Variants in CATSPERE observed in about 807,000 individuals in gnomAD.
The protein encoded by CATSPERE is cation channel sperm-associated auxiliary subunit epsilon.
Under a neutral mutation model 114.1 loss-of-function variants are expected in CATSPERE, and 93 were observed. The observed-to-expected ratio is 0.81, with a 90% CI of 0.69 to 0.97. The LOEUF (loss-of-function observed/expected upper bound fraction) is 0.97. Ranked by LOEUF, CATSPERE falls within the 50% of genes least tolerant of loss-of-function variation. The pLI, the probability that CATSPERE is intolerant of heterozygous loss-of-function variation, is 0.00. For synonymous variants in CATSPERE, 341 were observed against 384.1 expected (o/e 0.89, Z 1.31); for missense variants, 1,058 against 1,131.6 (o/e 0.93, Z 0.93).
chr1:244,487,799 G>A (rs1341487386), intron 5 of CATSPERE, among the ~76,000 whole-genome samples: 3 of 152,040 alleles, frequency 2.0e-5, no homozygotes, highest in East Asian at 3.9e-4. Context: ...AGCAGGAGGC[G>A]GGACTGTACG....
intron 8 of CATSPERE, among the ~76,000 whole-genome samples, chr1:244,531,513 T>G (rs1203450463): frequency 1.4e-5 from 2 of 146,736 alleles, no homozygotes; most frequent in East Asian, 1.9e-4. Flanking sequence ...CTATACCCAG[T>G]TTTTAAAATT....
At chr1:244,612,004 CAAT>C (rs1222686927) in intron 19 of CATSPERE, among the ~76,000 whole-genome samples, 4 of 152,302 alleles carry the variant, frequency 2.6e-5, no homozygotes, top group East Asian at 3.9e-4. Flanking sequence ...ATTTGCACCT[CAAT>C]GATACTGATA....
At chr1:244,614,052 C>A (rs938055561) in intron 19 of CATSPERE, among the ~76,000 whole-genome samples, 5 of 152,200 alleles carry the variant, frequency 3.3e-5, no homozygotes, top group Non-Finnish European at 7.3e-5. Context: ...GAGTCCCCAC[C>A]AGGAAGATGG....
chr1:244,458,535 AAAAC>A (rs949574562), upstream of CATSPERE, among the ~76,000 whole-genome samples: 1 of 152,218 alleles, frequency 6.6e-6, no homozygotes, highest in Non-Finnish European at 1.5e-5. Context: ...GGAGGAAAAA[AAAAC>A]AAACTTCTAG....
intron 10 of CATSPERE, among the ~76,000 whole-genome samples, chr1:244,571,045 T>A (rs530858996): frequency 6.6e-6 from 1 of 152,310 alleles, no homozygotes; most frequent in South Asian, 2.1e-4. Context: ...AAACAATGTA[T>A]TGTTTTGTTT....
intron 8 of CATSPERE, among the ~76,000 whole-genome samples, chr1:244,526,417 A>C (rs1678608182): frequency 6.6e-6 from 1 of 152,020 alleles, no homozygotes; most frequent in African/African-American, 2.4e-5. Context: ...AAAAAGAAAA[A>C]AAAAAAAGGA....
At chr1:244,484,490 G>C (rs1670698815) in intron 5 of CATSPERE, among the ~76,000 whole-genome samples, 1 of 152,204 alleles carries the variant, frequency 6.6e-6, no homozygotes, top group African/African-American at 2.4e-5. Context: ...GTAGGCTTCA[G>C]ATGAGCGGTC....
Position 244,621,104 on chromosome 1 carries a change from A to ATTAT in CATSPERE, c.2648+3418_2648+3419insTTAT, listed in dbSNP as rs869108209. On this transcript the variant is annotated intron_variant, in intron 20 of 21. Transcript: ENST00000366534. The stretch of plus-strand genomic sequence containing the variant: ...ATATAAATATATATAAAATATATAT[A>ATTAT]AATATATATATAATATATATATAAA... Among the ~76,000 whole-genome samples, 34 of 20,744 alleles carry ATTAT rather than the reference A, an allele frequency of 1.6e-3. 1 individual carries two copies. Among genetic ancestry groups the ATTAT allele is most frequent in the Non-Finnish European group, 3.5e-3 (31 of 8,876 alleles). 13.6% of individuals were successfully genotyped at this position (20,744 alleles called of 152,430 possible).
intron 2 of CATSPERE, among the ~76,000 whole-genome samples, chr1:244,474,663 T>C (rs188951274): frequency 6.6e-6 from 1 of 152,056 alleles, no homozygotes; most frequent in East Asian, 1.9e-4. Flanking sequence ...GGATTTTCTG[T>C]GCCTATCTTT....
intron 5 of CATSPERE, among the ~76,000 whole-genome samples, chr1:244,489,858 A>G (rs1329085470): frequency 6.6e-6 from 1 of 152,158 alleles, no homozygotes; most frequent in African/African-American, 2.4e-5. Flanking sequence ...AGAAAAAAAA[A>G]TGAGGGAGGG....
At chr1:244,517,530 A>G (rs3006045) in intron 7 of CATSPERE, among the ~76,000 whole-genome samples, 20,346 of 151,774 alleles carry the variant, frequency 0.13, 2,550 homozygotes, top group African/African-American at 0.32. Flanking sequence ...CCAGCACTTT[A>G]GGAGGAGGAG....
intron 8 of CATSPERE, among the ~76,000 whole-genome samples, chr1:244,534,096 C>T (rs2148429919): frequency 6.6e-6 from 1 of 152,270 alleles, no homozygotes; most frequent in East Asian, 1.9e-4. Context: ...TCTCTCCTTG[C>T]CTGTAAAGTT....
chr1:244,627,208 G>A (rs1673313791), intron 20 of CATSPERE, among the ~76,000 whole-genome samples: 1 of 152,168 alleles, frequency 6.6e-6, no homozygotes, highest in African/African-American at 2.4e-5. Context: ...CATTGATTAA[G>A]TCCACTATCT....
chr1:244,457,167 T>C (rs1450114514), upstream of CATSPERE, among the ~76,000 whole-genome samples: 3 of 152,214 alleles, frequency 2.0e-5, no homozygotes, highest in Non-Finnish European at 4.4e-5. Context: ...CTTTTTTCTG[T>C]AGGTTAAAAC....
chr1:244,588,684 G>A (rs2148635604), intron 14 of CATSPERE, 150 bp downstream of exon 14: 1 of 643,290 alleles, frequency 1.6e-6, no homozygotes, highest in Non-Finnish European at 2.8e-6. Flanking sequence ...AGATTCAATT[G>A]GTTTAAACTT....
intron 13 of CATSPERE, among the ~76,000 whole-genome samples, chr1:244,586,892 C>G (rs1425756707): frequency 2.0e-5 from 3 of 152,162 alleles, no homozygotes; most frequent in Non-Finnish European, 4.4e-5. Context: ...TACAAGCAGC[C>G]ATGACTCTCT....
intron 8 of CATSPERE, among the ~76,000 whole-genome samples, chr1:244,527,094 C>A (rs1209518751): frequency 1.3e-5 from 2 of 152,096 alleles, no homozygotes; most frequent in African/African-American, 2.4e-5. Context: ...GTTTCATGTC[C>A]AACTGGGCAC....
intron 5 of CATSPERE, among the ~76,000 whole-genome samples, chr1:244,483,028 T>C (rs1445306890): frequency 6.6e-6 from 1 of 152,252 alleles, no homozygotes; most frequent in African/African-American, 2.4e-5. Flanking sequence ...GTTCCTTCAT[T>C]GTGACTGCTC....
chr1:244,540,451 C>T lies in CATSPERE; in HGVS notation c.537-11871C>T, dbSNP rs536069813. On this transcript the variant is annotated intron_variant, in intron 8 of 21. Transcript: ENST00000366534. ...ACCTAGGAATCCAACTTACAAGGGA[C>T]GTGAAGGACCTCTTCAAGTAGAACT... 7.6e-5 allele frequency among the ~76,000 whole-genome samples: 10 copies of T among 131,362 alleles called. No homozygotes were observed. The South Asian group carries it at 1.2e-3, about 16-fold the overall frequency. The allele number at this position is 131,362 out of a possible 152,430, so 86.2% of individuals were successfully genotyped here.
Sources: gnomAD v4.1 joint callset for allele counts (sites outside exome capture counted in the v4.1 genomes callset) on GRCh38, gnomAD v4.1.1 for gene constraint, MANE v1.5 for transcripts, NCBI Gene and HGNC (gene_info 2026-07-23, HGNC 2026-07-21) for gene names.